BRAT1: variants seen among roughly 807,000 people sequenced by gnomAD.
The protein encoded by BRAT1 is BRCA1 associated ATM activator 1.
Under a neutral mutation model 70.6 loss-of-function variants are expected in BRAT1, and 74 were observed. The ratio of observed to expected loss-of-function variants is 1.05; its 90% confidence interval spans 0.87 to 1.27. The LOEUF is 1.27. BRAT1 is among the 50% of genes most tolerant of loss of function. The pLI, the probability that BRAT1 is intolerant of heterozygous loss-of-function variation, is 0.00. For missense variants in BRAT1, 1,203 were observed against 1,098.2 expected (o/e 1.10, Z -1.35); for synonymous variants, 615 against 517.1 (o/e 1.19, Z -2.57).
chr7:2,553,580 T>C (rs994819872), intron 2 of BRAT1, among the ~76,000 whole-genome samples: 3 of 152,102 alleles, frequency 2.0e-5, no homozygotes, highest in Non-Finnish European at 4.4e-5. Flanking sequence ...TGGGAGTAAA[T>C]TAAAACGTTG....
At chr7:2,540,641 A>G (rs6461429) in intron 10 of BRAT1, 107,105 of 262,354 alleles carry the variant, frequency 0.41, 24,109 homozygotes, top group African/African-American at 0.66. Context: ...GAGTAGGCAC[A>G]TTCACAAATG....
intron 1 of BRAT1, 82 bp from the exon 2 acceptor site, chr7:2,554,529 C>T (rs1422660430): frequency 6.8e-7 from 1 of 1,466,922 alleles, no homozygotes; most frequent in African/African-American, 1.4e-5. Flanking sequence ...ACCATGCCTG[C>T]TCAGGCCTGG....
intron 10 of BRAT1, 106 bp downstream of exon 10, chr7:2,540,873 T>C (rs1159230523): frequency 1.7e-6 from 2 of 1,173,954 alleles, no homozygotes; most frequent in Non-Finnish European, 2.3e-6. Flanking sequence ...TGGCCCTGTG[T>C]GAAGGCCCCA....
intron 3 of BRAT1, among the ~76,000 whole-genome samples, chr7:2,546,192 A>G (rs1779595427): frequency 6.6e-6 from 1 of 152,170 alleles, no homozygotes; most frequent in South Asian, 2.1e-4. Context: ...CTGTATCCCA[A>G]CACTTTGGGA....
intron 1 of BRAT1, 133 bp downstream of exon 1, chr7:2,555,354 C>A (rs1780347016): frequency 6.6e-6 from 1 of 152,242 alleles, no homozygotes; most frequent in Admixed American, 6.5e-5. Context: ...CACAGTCGGG[C>A]TGGGAAGCGA....
At chr7:2,539,011 G>C in intron 13 of BRAT1, 168 bp downstream of exon 13, 6 of 1,435,848 alleles carry the variant, frequency 4.2e-6, no homozygotes, top group South Asian at 1.4e-5. Context: ...AAGCGCACAG[G>C]TCCCACACCC....
At chr7:2,552,961 G>A (rs986230780) in intron 2 of BRAT1, among the ~76,000 whole-genome samples, 1 of 151,670 alleles carries the variant, frequency 6.6e-6, no homozygotes, top group East Asian at 1.9e-4. Context: ...AGCCAGGAGG[G>A]TCTTGATCTC....
At chr7:2,544,035 AGGGAAGATACAAATAGCAGAGGGC>A in intron 4 of BRAT1, 73 bp from the exon 5 acceptor site, 2 of 995,864 alleles carry the variant, frequency 2.0e-6, no homozygotes, top group Non-Finnish European at 2.6e-6. Flanking sequence ...AGAGGGCCTC[AGGGAAGATACAAATAGCAGAGGGC>A]CCCCCAAGAT....
intron 2 of BRAT1, among the ~76,000 whole-genome samples, chr7:2,550,503 AG>A (rs1435070045): frequency 8.0e-5 from 12 of 149,760 alleles, no homozygotes; most frequent in South Asian, 2.1e-4. Flanking sequence ...AAGAAAGAAA[AG>A]AAAAAGAAAA....
rs936893514 is a variant in BRAT1, at chr7:2,539,902, G to A, written c.1396-14C>T. 1 of 1,521,560 alleles carries A rather than the reference G, an allele frequency of 6.6e-7. No homozygotes were observed. Among genetic ancestry groups the A allele is most frequent in the Non-Finnish European group, 8.8e-7 (1 of 1,133,924 alleles). 94.3% of individuals were successfully genotyped at this position (1,521,560 alleles called of 1,614,324 possible). On this transcript the variant is annotated splice_polypyrimidine_tract_variant and intron_variant, in intron 10 of 13. Transcript: ENST00000340611. ...CTTCTTCAGAACCTGGAGCAGATAGGGTGGGCTGCAGGGCCACGGGAGACG... is the reference window on the plus strand; with the variant it reads ...CTTCTTCAGAACCTGGAGCAGATAGAGTGGGCTGCAGGGCCACGGGAGACG...
chr7:2,552,106 A>ATTTTTTTTTTTT, intron 2 of BRAT1, among the ~76,000 whole-genome samples: 1 of 14,216 alleles, frequency 7.0e-5, no homozygotes, highest in Non-Finnish European at 1.4e-4. Flanking sequence ...ATATATATAT[A>ATTTTTTTTTTTT]TTTTTTTTTT....
intron 8 of BRAT1, 109 bp from the exon 9 acceptor site, chr7:2,541,593 G>A (rs2128391818): frequency 1.4e-6 from 2 of 1,454,820 alleles, no homozygotes; most frequent in Non-Finnish European, 9.2e-7. Flanking sequence ...CCAAGGTTGT[G>A]GTCCCACTGC....
chr7:2,547,484 G>C lies in BRAT1; in HGVS notation c.128-6C>G. The C allele has an allele frequency of 6.2e-7, 1 of 1,613,728 alleles. No homozygotes were observed. Among genetic ancestry groups the C allele is most frequent in the Admixed American group, 1.7e-5 (1 of 60,008 alleles). ...CAGCAGCACGACACTGGACTCTGTG[G>C]GGATGGCCCAGCCCAGGGGTCACCA... On this transcript the variant is annotated splice_region_variant and splice_polypyrimidine_tract_variant and intron_variant, in intron 2 of 13. Coordinates refer to ENST00000340611, the MANE Select transcript of BRAT1 (RefSeq NM_152743.4).
At position 2,542,130 on chromosome 7, in the gene BRAT1, G is replaced by T; in HGVS notation, c.1005C>A (p.Pro335=). Reference sequence around the variant, plus strand: ...TTCTAAGCAGCACACCTGGGGGTCCGGGGGCCTGAACCGTGGCCTTCAGGA... The same window carrying T: ...TTCTAAGCAGCACACCTGGGGGTCCTGGGGCCTGAACCGTGGCCTTCAGGA... ...ACVLKATVQA[P]GPPGLLDGTA... The change falls in exon 7 of 14, where the codon CCC becomes CCA. Residue 335 remains proline, a synonymous_variant. Transcript: ENST00000340611. The T allele has an allele frequency of 6.4e-7, 1 of 1,552,186 alleles. No homozygotes were observed. Among genetic ancestry groups the T allele is most frequent in the Non-Finnish European group, 8.7e-7 (1 of 1,149,474 alleles).
At chr7:2,542,566 C>G (rs3735105) in intron 6 of BRAT1, 20,827 of 294,472 alleles carry the variant, frequency 0.071, 1,956 homozygotes, top group East Asian at 0.25. Context: ...CCTGCCCTCA[C>G]GTCTGGGCCT....
chr7:2,546,413 C>A (rs1210239156), intron 3 of BRAT1, among the ~76,000 whole-genome samples: 1 of 151,868 alleles, frequency 6.6e-6, no homozygotes, highest in Non-Finnish European at 1.5e-5. Flanking sequence ...GCCTGGACGA[C>A]AGAGCAGGAC....
intron 2 of BRAT1, among the ~76,000 whole-genome samples, chr7:2,552,106 A>ATTTTTTTTTT (rs1174942520): frequency 7.0e-5 from 1 of 14,218 alleles, no homozygotes; most frequent in Non-Finnish European, 1.4e-4. Context: ...ATATATATAT[A>ATTTTTTTTTT]TTTTTTTTTT....
intron 8 of BRAT1, 24 bp downstream of exon 8, chr7:2,541,694 G>T (rs1452947548): frequency 1.3e-6 from 2 of 1,591,712 alleles, no homozygotes; most frequent in African/African-American, 2.7e-5. Flanking sequence ...CTGCTGGGCT[G>T]CATGAGGACC....
chr7:2,539,431 G>A, intron 12 of BRAT1, 80 bp from the exon 13 acceptor site: 2 of 1,520,312 alleles, frequency 1.3e-6, no homozygotes, highest in Non-Finnish European at 1.8e-6. Flanking sequence ...ATCCCCTTGT[G>A]GGCAGCCGAC....
Sources: allele counts gnomAD v4.1 joint callset (sites outside exome capture counted in the v4.1 genomes callset), GRCh38; gene constraint gnomAD v4.1.1; transcripts MANE v1.5; gene names NCBI Gene and HGNC (gene_info 2026-07-23, HGNC 2026-07-21).